The following SGCD variants were observed in gnomAD, a reference collection of about 807,000 sequenced individuals.
SGCD encodes delta-sarcoglycan.
SGCD carries 18 observed loss-of-function variants against 36.6 expected under a neutral mutation model. The observed-to-expected ratio is 0.49, with a 90% CI of 0.34 to 0.73. The LOEUF is 0.73. SGCD is among the 30% of genes least tolerant of loss of function. SGCD has a pLI of 0.01. For synonymous variants in SGCD, 133 were observed against 130.6 expected (o/e 1.02, Z -0.12); for missense variants, 387 against 346.7 (o/e 1.12, Z -0.92).
chr5:156,735,307 C>T (rs1034919852), intron 7 of SGCD, among the ~76,000 whole-genome samples: 4 of 152,162 alleles, frequency 2.6e-5, no homozygotes, highest in Non-Finnish European at 5.9e-5. Context: ...CCGCAGTCAG[C>T]TTGGACTCTC....
the SGCD span, among the ~76,000 whole-genome samples, chr5:155,748,571 G>C: frequency 1.3e-5 from 2 of 152,074 alleles, no homozygotes; most frequent in African/African-American, 4.8e-5. Flanking sequence ...TCAGAGTTTT[G>C]ATTTACATTA....
the SGCD span, among the ~76,000 whole-genome samples, chr5:155,777,790 G>GTT: frequency 6.6e-6 from 1 of 151,404 alleles, no homozygotes; most frequent in South Asian, 2.1e-4. Flanking sequence ...TTGTTTCTGA[G>GTT]TTTTTTTTTG....
At chr5:155,868,360 C>CTTT (rs10532701), upstream of SGCD, among the ~76,000 whole-genome samples, 3 of 110,728 alleles carry the variant, frequency 2.7e-5, no homozygotes, top group Non-Finnish European at 1.8e-5. Context: ...CCCTTTTTTT[C>CTTT]TTTTTTTTTT....
At chr5:155,857,429 C>T in the SGCD span, among the ~76,000 whole-genome samples, 1 of 152,088 alleles carries the variant, frequency 6.6e-6, no homozygotes, top group Admixed American at 6.5e-5. Flanking sequence ...GTGATCTATC[C>T]ATGAAATGAA....
At chr5:156,626,614 C>A (rs949187547) in intron 6 of SGCD, among the ~76,000 whole-genome samples, 1 of 151,980 alleles carries the variant, frequency 6.6e-6, no homozygotes, top group Non-Finnish European at 1.5e-5. Context: ...ATAACTTTTG[C>A]CTTTCATATA....
chr5:156,731,315 G>A (rs1756050068), intron 7 of SGCD, among the ~76,000 whole-genome samples: 1 of 152,110 alleles, frequency 6.6e-6, no homozygotes, highest in South Asian at 2.1e-4. Flanking sequence ...CTTTGCCCAT[G>A]CCTATGTCCT....
At chr5:156,179,602 T>A (rs940112178) in intron 3 of SGCD, among the ~76,000 whole-genome samples, 1 of 151,764 alleles carries the variant, frequency 6.6e-6, no homozygotes, top group Non-Finnish European at 1.5e-5. Flanking sequence ...CCCCAATGAA[T>A]ATGTTATAAT....
At chr5:155,928,358 C>T (rs1048027557) in intron 1 of SGCD, among the ~76,000 whole-genome samples, 7 of 152,146 alleles carry the variant, frequency 4.6e-5, no homozygotes, top group Non-Finnish European at 8.8e-5. Context: ...TGTGGCTTGT[C>T]TTTACTCTTT....
chr5:156,234,505 A>C (rs1045204206), intron 3 of SGCD, among the ~76,000 whole-genome samples: 3 of 152,180 alleles, frequency 2.0e-5, no homozygotes, highest in African/African-American at 7.2e-5. Context: ...ACACAGTTTA[A>C]AAAAAACAAT....
At chr5:155,818,618 C>G in the SGCD span, among the ~76,000 whole-genome samples, 1 of 152,090 alleles carries the variant, frequency 6.6e-6, no homozygotes, top group African/African-American at 2.4e-5. Flanking sequence ...CCTCCTGGGC[C>G]CAAGTGATCC....
the SGCD span, among the ~76,000 whole-genome samples, chr5:155,834,732 C>T: frequency 1.8e-3 from 269 of 152,230 alleles, 1 homozygote; most frequent in Non-Finnish European, 2.3e-3. Flanking sequence ...CTGCATTTCT[C>T]TCCTACACCA....
chr5:156,425,714 C>A (rs568697494), intron 3 of SGCD, among the ~76,000 whole-genome samples: 1 of 151,990 alleles, frequency 6.6e-6, no homozygotes, highest in Non-Finnish European at 1.5e-5. Flanking sequence ...CACCCACGAA[C>A]TCACGCTTCC....
intron 7 of SGCD, among the ~76,000 whole-genome samples, chr5:156,675,927 A>G (rs1285389488): frequency 1.3e-5 from 2 of 152,214 alleles, no homozygotes; most frequent in African/African-American, 2.4e-5. Context: ...TTAGAGAATC[A>G]GACCAAGCAG....
At chr5:155,778,139 G>T in the SGCD span, among the ~76,000 whole-genome samples, 1 of 152,130 alleles carries the variant, frequency 6.6e-6, no homozygotes, top group South Asian at 2.1e-4. Context: ...ATGTAGACTA[G>T]TTCACAAATG....
At chr5:155,838,756 C>A in the SGCD span, among the ~76,000 whole-genome samples, 2 of 136,176 alleles carry the variant, frequency 1.5e-5, no homozygotes, top group Non-Finnish European at 3.1e-5. Context: ...TCCATTAAGC[C>A]ATATATTAAA....
chr5:155,942,334 G>GTATGTATCTATCTATCTATCTATC (rs779514666), intron 1 of SGCD, among the ~76,000 whole-genome samples: 72 of 138,496 alleles, frequency 5.2e-4, no homozygotes, highest in East Asian at 4.6e-3. Flanking sequence ...ATGTATGTAT[G>GTATGTATCTATCTATCTATCTATC]TATCTATCTA....
At chr5:156,258,734 CTTTGT>C (rs1765776189) in intron 3 of SGCD, among the ~76,000 whole-genome samples, 1 of 152,040 alleles carries the variant, frequency 6.6e-6, no homozygotes. Flanking sequence ...CTCATCAATT[CTTTGT>C]TTTATCAAAT....
intron 3 of SGCD, among the ~76,000 whole-genome samples, chr5:156,483,125 T>G (rs1431472230): frequency 6.6e-6 from 1 of 152,102 alleles, no homozygotes; most frequent in African/African-American, 2.4e-5. Context: ...GCAGAGAGCC[T>G]GGAGAAGAGC....
chr5:156,014,830 G>T (rs1758932216), intron 1 of SGCD, among the ~76,000 whole-genome samples: 1 of 152,240 alleles, frequency 6.6e-6, no homozygotes, highest in Non-Finnish European at 1.5e-5. Flanking sequence ...GACTAATACA[G>T]GGTGGTTACT....
Sources: gnomAD v4.1 joint callset for allele counts (sites outside exome capture counted in the v4.1 genomes callset) on GRCh38, gnomAD v4.1.1 for gene constraint, MANE v1.5 for transcripts, NCBI Gene and HGNC (gene_info 2026-07-23, HGNC 2026-07-21) for gene names.